Variants in SF3B2 observed in about 807,000 individuals in gnomAD.
SF3B2 encodes the protein SAP 145.
A neutral mutation model predicts 116.3 loss-of-function variants in SF3B2; 22 were observed. The ratio of observed to expected loss-of-function variants is 0.19; its 90% confidence interval spans 0.14 to 0.27. SF3B2 has a LOEUF of 0.27. Among genes scored for constraint, SF3B2 ranks in the 10% least tolerant of loss-of-function variants. The pLI, the probability that SF3B2 is intolerant of heterozygous loss-of-function variation, is 1.00. For missense variants in SF3B2, 767 were observed against 1,151.4 expected (o/e 0.67, Z 4.83); for synonymous variants, 406 against 421.6 (o/e 0.96, Z 0.45).
At chr11:66,067,678 C>G in intron 19 of SF3B2, 1 of 504,192 alleles carries the variant, frequency 2.0e-6, no homozygotes, top group East Asian at 4.0e-5. Context: ...CCTTTTGACC[C>G]TTATGTGCAT....
In SF3B2 at chr11:66,052,510, G is replaced by A. The variant is rs745832940; in HGVS notation, c.126G>A (p.Pro42=). 5 of 1,612,958 alleles carry A rather than the reference G, an allele frequency of 3.1e-6. No individual in the cohort carries two copies. In the African/African-American group the frequency reaches 6.7e-5, roughly 22 times the overall value. ...LQAKLAEIGA[P]IQGNREELVE... is the part of the protein sequence containing the mutation. Reference sequence around the variant, plus strand: ...CCAAGTTGGCAGAGATCGGAGCTCCGATCCAGGGTGAGGAACACAGGAAGT... The same window carrying A: ...CCAAGTTGGCAGAGATCGGAGCTCCAATCCAGGGTGAGGAACACAGGAAGT... Residue 42 remains proline (P), a synonymous_variant, in exon 1 of 22, where the codon CCG becomes CCA. Coordinates refer to ENST00000322535, the MANE Select transcript of SF3B2 (RefSeq NM_006842.3).
Position 66,068,801 on chromosome 11 carries a change from C to A in SF3B2, c.*56C>A. On this transcript the variant is annotated 3_prime_UTR_variant, in exon 22 of 22. Coordinates refer to ENST00000322535, the MANE Select transcript of SF3B2 (RefSeq NM_006842.3). The stretch of plus-strand genomic sequence containing the variant: ...TACGTCTGGATGCCTGGGCTTCACA[C>A]AAGAACCACCTCTCCCGCAGTTCCC... The A allele has an allele frequency of 7.6e-7, 1 of 1,321,452 alleles. No homozygotes were observed. The highest frequency in any genetic ancestry group is 1.1e-6 in the Non-Finnish European group (1 of 918,896). 81.9% of individuals were successfully genotyped at this position (1,321,452 alleles called of 1,614,324 possible). A position where few individuals can be genotyped will look rare whatever the true frequency, so the allele number is the denominator to read the frequency against.
rs1857020826 is a variant in SF3B2, at chr11:66,057,404, A to G, written c.777+29A>G. 4 of 1,036,180 alleles carry G rather than the reference A, an allele frequency of 3.9e-6. No homozygotes were observed. The East Asian group carries it at 9.5e-5, about 25-fold the overall frequency. 64.2% of individuals were successfully genotyped at this position (1,036,180 alleles called of 1,614,324 possible). Reference sequence around the variant, plus strand: ...AGACTGATGATTTATTCCTAGGGATAAGAGAGTGGTAGTTTAGGATGGGAC... The same window carrying G: ...AGACTGATGATTTATTCCTAGGGATGAGAGAGTGGTAGTTTAGGATGGGAC... On this transcript the variant is annotated intron_variant, in intron 7 of 21. Coordinates refer to ENST00000322535, the MANE Select transcript of SF3B2 (RefSeq NM_006842.3).
At position 66,058,832 on chromosome 11, in the gene SF3B2, A is replaced by G. The variant is rs1221181153; in HGVS notation, c.969A>G (p.Lys323=). Residue 323 remains lysine (K), a splice_region_variant and synonymous_variant, in exon 10 of 22, where the codon AAA becomes AAG. Transcript: ENST00000322535. Reference sequence around the variant, plus strand: ...GCTGGTTTTCCTCCTCTTGACAGAAAAACCGGAAGCGTAGGAACCGAAAGA... The same window carrying G: ...GCTGGTTTTCCTCCTCTTGACAGAAGAACCGGAAGCGTAGGAACCGAAAGA... ...EDTVSVSKKE[K]NRKRRNRKKK... 6.2e-7 allele frequency: 1 copy of G among 1,607,604 alleles called. No individual in the cohort carries two copies. Among genetic ancestry groups the G allele is most frequent in the Non-Finnish European group, 8.5e-7 (1 of 1,177,816 alleles).
chr11:66,055,498 G>A (rs1198504279), intron 4 of SF3B2, 37 bp from the exon 5 acceptor site: 1 of 1,612,638 alleles, frequency 6.2e-7, no homozygotes, highest in Non-Finnish European at 8.5e-7. Context: ...GGCGTGTTGG[G>A]TATTGGTGCT....
At chr11:66,060,309 GTC>G (rs1857079030) in intron 13 of SF3B2, among the ~76,000 whole-genome samples, 2 of 152,236 alleles carry the variant, frequency 1.3e-5, no homozygotes, top group Admixed American at 6.5e-5. Context: ...ACATGGGGAA[GTC>G]TCTGCTTTCC....
At chr11:66,054,392 G>A (rs1318222160) in intron 3 of SF3B2, among the ~76,000 whole-genome samples, 1 of 151,392 alleles carries the variant, frequency 6.6e-6, no homozygotes, top group Non-Finnish European at 1.5e-5. Flanking sequence ...CACGAGAATT[G>A]CTTGAACCTG....
chr11:66,066,066 G>C (rs1181550639), intron 19 of SF3B2: 6 of 152,098 alleles, frequency 3.9e-5, no homozygotes, highest in Admixed American at 3.9e-4. Context: ...GTAGAGACAG[G>C]GTTTTACCAT....
Position 66,052,452 on chromosome 11 carries a change from A to C in SF3B2, c.68A>C (p.His23Pro), listed in dbSNP as rs762161169. The change falls in exon 1 of 22, where the codon CAC becomes CCC. Residue 23 changes from histidine to proline, a missense_variant. Transcript: ENST00000322535. The part of the protein sequence containing the change: ...LQLPPPPPPG[H>P]YGAWAAQELQ... ...CTGCCGCCGCCGCCACCTCCAGGCC[A>C]CTATGGCGCCTGGGCTGCCCAGGAG... The C allele has an allele frequency of 8.1e-6, 13 of 1,613,676 alleles. No individual in the cohort carries two copies. In the South Asian group the frequency reaches 1.3e-4, roughly 16 times the overall value.
At chr11:66,052,940 G>C in intron 2 of SF3B2, 87 bp from the exon 3 acceptor site, 1 of 1,387,504 alleles carries the variant, frequency 7.2e-7, no homozygotes. Flanking sequence ...CAGGCACTGG[G>C]TACGTTTTGT....
At position 66,061,880 on chromosome 11, in the gene SF3B2, T is replaced by C; in HGVS notation, c.1870-11T>C. ...TTTGGCAGATGGTATCCTGTTCTCT[T>C]TTTCCTGCAGAATGCCCACAAGGTC... On this transcript the variant is annotated splice_polypyrimidine_tract_variant and intron_variant, in intron 15 of 21. Coordinates refer to ENST00000322535, the MANE Select transcript of SF3B2 (RefSeq NM_006842.3). The C allele has an allele frequency of 6.2e-7, 1 of 1,611,686 alleles. No individual in the cohort carries two copies. Among genetic ancestry groups the C allele is most frequent in the South Asian group, 1.1e-5 (1 of 91,002 alleles).
Position 66,063,503 on chromosome 11 carries a change from A to G in SF3B2, c.2189A>G (p.Asp730Gly). 1.2e-6 allele frequency: 2 copies of G among 1,614,194 alleles called. No individual in the cohort carries two copies. Among genetic ancestry groups the G allele is most frequent in the Non-Finnish European group, 1.7e-6 (2 of 1,180,016 alleles). Reference sequence around the variant, plus strand: ...GAGGAAGAGGAAGAAAGTGATGAAGACAAACCAGATGAGACAGGCTTTATT... The same window carrying G: ...GAGGAAGAGGAAGAAAGTGATGAAGGCAAACCAGATGAGACAGGCTTTATT... The part of the protein sequence containing the change: ...EEEEEEESDE[D>G]KPDETGFITP... The change falls in exon 18 of 22, where the codon GAC becomes GGC. Residue 730 changes from aspartate (D) to glycine (G), a missense_variant. By Grantham distance (94) the Asp-to-Gly change is moderately conservative. Transcript: ENST00000322535.
rs966858327 is a variant in SF3B2 at position 66,068,273 on chromosome 11, G to C, written c.2556G>C (p.Gln852His). 6.2e-7 allele frequency: 1 copy of C among 1,613,854 alleles called. No homozygotes were observed. Among genetic ancestry groups the C allele is most frequent in the African/African-American group, 1.3e-5 (1 of 74,948 alleles). Residue 852 changes from glutamine (Q) to histidine (H), a missense_variant, in exon 21 of 22, where the codon CAG becomes CAC. Transcript: ENST00000322535. The stretch of plus-strand genomic sequence containing the variant: ...ATGAGGAGCATGTGCGGGAGCAGCA[G>C]GCTCAAGTAGAGAAGGAGGACTTCA... ...QKYEEHVREQQAQVEKEDFSD... is the reference protein window; with the variant it reads ...QKYEEHVREQHAQVEKEDFSD...
Position 66,052,841 on chromosome 11 carries a change from T to G in SF3B2, c.180+122T>G, listed in dbSNP as rs1333112216. 6.1e-6 allele frequency: 8 copies of G among 1,302,138 alleles called. No individual in the cohort carries two copies. The East Asian group carries it at 1.9e-4, about 30-fold the overall frequency. 80.7% of individuals were successfully genotyped at this position (1,302,138 alleles called of 1,614,324 possible). A position where few individuals can be genotyped will look rare whatever the true frequency, so the allele number is the denominator to read the frequency against. ...GCACAGCAAGGCGGAGGCTTGCCCT[T>G]TTTAGCTTGTTCTTGCCTTTGCCAG... On this transcript the variant is annotated intron_variant, in intron 2 of 21. Coordinates refer to ENST00000322535, the MANE Select transcript of SF3B2 (RefSeq NM_006842.3).
chr11:66,063,618 C>T lies in SF3B2; in HGVS notation c.2229-10C>T. 6.2e-7 allele frequency: 1 copy of T among 1,611,372 alleles called. No individual in the cohort carries two copies. Among genetic ancestry groups the T allele is most frequent in the Non-Finnish European group, 8.5e-7 (1 of 1,178,698 alleles). On this transcript the variant is annotated splice_polypyrimidine_tract_variant and intron_variant, in intron 18 of 21. Transcript: ENST00000322535. ...TCTCTTTACTCCAGAGCTTGTTCCT[C>T]TCTTTACAGTGGCCTTATCACTCCT...
rs780249883 is a variant in SF3B2 at position 66,063,470 on chromosome 11, CAGA to C, written c.2163_2165del (p.Glu726del). On this transcript the variant is annotated inframe_deletion, in exon 18 of 22. Transcript: ENST00000322535. The stretch of plus-strand genomic sequence containing the variant: ...CTGGAACCATCTGATGAAGAATCCT[CAGA>C]AGAAGAGGAAGAGGAAGAAAGTGAT... 18 of 1,614,140 alleles carry C rather than the reference CAGA, an allele frequency of 1.1e-5. No homozygotes were observed. The highest frequency in any genetic ancestry group is 1.4e-5 in the Non-Finnish European group (17 of 1,180,008).
Position 66,058,340 on chromosome 11 carries a change from C to T in SF3B2, c.901C>T (p.Arg301Cys), listed in dbSNP as rs886460919. Residue 301 changes from arginine to cysteine, a missense_variant, in exon 9 of 22, where the codon CGC (arginine) becomes TGC (cysteine). By Grantham distance (180) the Arg-to-Cys change is radical. This residue lies in a region of SF3B2 where 455 missense variants were observed against 537.5 expected (regional missense o/e 0.85). Transcript: ENST00000322535. ...GGAAGAGGAAATGGAAACAGATGCT[C>T]GCTCGTCCCTGGGCCAGTCAGCGTC... ...QEEEEMETDA[R>C]SSLGQSASET... The T allele has an allele frequency of 4.3e-6, 7 of 1,613,886 alleles. No individual in the cohort carries two copies. In the African/African-American group the frequency reaches 5.3e-5, roughly 12 times the overall value.
In SF3B2 at chr11:66,059,502, T is replaced by A. The variant is rs369929603; in HGVS notation, c.1321-13T>A. 4.3e-6 allele frequency: 7 copies of A among 1,613,810 alleles called. No homozygotes were observed. The highest frequency in any genetic ancestry group is 5.9e-6 in the Non-Finnish European group (7 of 1,179,944). On this transcript the variant is annotated splice_polypyrimidine_tract_variant and intron_variant, in intron 11 of 21. Transcript: ENST00000322535. This position sits in a 1 kb window ranked among gnomAD's most constrained non-coding sequence, Gnocchi z 5.0. ...CTGAGTCCTGCTTAAAAGGGCTGAT[T>A]GTTCTGTTCTAGGAAAAGAAGCCAG...
In SF3B2 at chr11:66,060,490, C is replaced by T. The variant is rs146295530; in HGVS notation, c.1630-92C>T. ...GACTTTCAGGGTGAGATAATTGAGGCTTCCCATGATCTCATTTGGAGTTGG... is the reference window on the plus strand; with the variant it reads ...GACTTTCAGGGTGAGATAATTGAGGTTTCCCATGATCTCATTTGGAGTTGG... On this transcript the variant is annotated intron_variant, in intron 13 of 21. Coordinates refer to ENST00000322535, the MANE Select transcript of SF3B2 (RefSeq NM_006842.3). 9.7e-6 allele frequency: 14 copies of T among 1,449,608 alleles called. No homozygotes were observed. The African/African-American group carries it at 2.0e-4, about 20-fold the overall frequency. 89.8% of individuals were successfully genotyped at this position (1,449,608 alleles called of 1,614,324 possible).
Sources: allele counts gnomAD v4.1 joint callset (sites outside exome capture counted in the v4.1 genomes callset), GRCh38; gene constraint gnomAD v4.1.1; regional missense constraint gnomAD v4.1.1; non-coding constraint Gnocchi (gnomAD v3.1); transcripts MANE v1.5; gene names NCBI Gene and HGNC (gene_info 2026-07-23, HGNC 2026-07-21).